Variants in CSMD1 observed in about 807,000 individuals in gnomAD.
CSMD1 encodes the protein CUB and Sushi multiple domains 1.
Under a neutral mutation model 417.5 loss-of-function variants are expected in CSMD1, and 213 were observed. That is an observed-to-expected ratio of 0.51 (90% CI 0.46 to 0.57). CSMD1 has a LOEUF of 0.57. Among genes scored for constraint, CSMD1 ranks in the 20% least tolerant of loss-of-function variants. The pLI is 0.00. For synonymous variants in CSMD1, 2,862 were observed against 1,736.8 expected, an observed-to-expected ratio of 1.65 and a Z score of -16.11; for missense variants, 6,923 against 4,529.7, an observed-to-expected ratio of 1.53 and a Z score of -15.17.
At chr8:3,007,472 G>A (rs1354351516) in intron 52 of CSMD1, among the ~76,000 whole-genome samples, 13 of 151,264 alleles carry the variant, frequency 8.6e-5, no homozygotes, top group African/African-American at 2.0e-4. Flanking sequence ...ACATGCACAC[G>A]TATGTTTATT....
chr8:3,406,011 GTGGCAGGGAC>G lies in CSMD1; in HGVS notation c.2266+6_2266+15del, dbSNP rs745329976. On this transcript the variant is annotated splice_donor_region_variant and intron_variant, in intron 15 of 69. Transcript: ENST00000635120. ...TGATTTCAAAGGAGAAGAGCGGGGGGTGGCAGGGACTGCACCTTCACAGCGGGGCACGGTG... is the reference window on the plus strand; with the variant it reads ...TGATTTCAAAGGAGAAGAGCGGGGGGTGCACCTTCACAGCGGGGCACGGTG... 6.2e-7 allele frequency: 1 copy of G among 1,610,250 alleles called. No individual in the cohort carries two copies. The highest frequency in any genetic ancestry group is 1.7e-5 in the Admixed American group (1 of 59,514).
intron 52 of CSMD1, among the ~76,000 whole-genome samples, chr8:3,008,149 T>G (rs1376916933): frequency 6.6e-6 from 1 of 152,004 alleles, no homozygotes; most frequent in African/African-American, 2.4e-5. Context: ...AGCAAAGAAA[T>G]AGAGTATGTC....
intron 3 of CSMD1, among the ~76,000 whole-genome samples, chr8:4,272,236 T>C (rs181271673): frequency 2.6e-5 from 4 of 152,224 alleles, no homozygotes; most frequent in Non-Finnish European, 5.9e-5. Context: ...TAGTACTTTA[T>C]GCCCTTAATA....
intron 4 of CSMD1, among the ~76,000 whole-genome samples, chr8:4,011,314 T>C (rs996410132): frequency 6.6e-6 from 1 of 152,214 alleles, no homozygotes; most frequent in African/African-American, 2.4e-5. Context: ...TCTCTGCATA[T>C]AACCGTGCTC....
chr8:3,642,595 A>T (rs1184139230), intron 7 of CSMD1, among the ~76,000 whole-genome samples: 1 of 152,192 alleles, frequency 6.6e-6, no homozygotes, highest in Non-Finnish European at 1.5e-5. Context: ...CAATTCACAA[A>T]CCAAACGAGA....
intron 5 of CSMD1, among the ~76,000 whole-genome samples, chr8:3,825,744 GA>G (rs1802021509): frequency 6.6e-6 from 1 of 152,168 alleles, no homozygotes; most frequent in Admixed American, 6.5e-5. Context: ...ACAAGGAGGC[GA>G]TTGGGGCCAC....
chr8:4,058,061 T>A (rs1179617240), intron 3 of CSMD1, among the ~76,000 whole-genome samples: 1 of 152,122 alleles, frequency 6.6e-6, no homozygotes, highest in Non-Finnish European at 1.5e-5. Context: ...TTTTTTCCAA[T>A]TCTGTGAAGG....
chr8:3,863,607 T>G (rs955978630), intron 5 of CSMD1, among the ~76,000 whole-genome samples: 3 of 152,104 alleles, frequency 2.0e-5, no homozygotes, highest in African/African-American at 7.2e-5. Flanking sequence ...AACCTTGCAG[T>G]AGGATGTATG....
chr8:4,036,956 GGTGT>G (rs57139782), intron 3 of CSMD1, among the ~76,000 whole-genome samples: 27,209 of 145,778 alleles, frequency 0.19, 2,742 homozygotes, highest in Admixed American at 0.23. Flanking sequence ...GTGAGTGTGG[GGTGT>G]GTGTGTGTGT....
At chr8:3,074,949 G>T (rs1157018726) in intron 49 of CSMD1, among the ~76,000 whole-genome samples, 1 of 152,140 alleles carries the variant, frequency 6.6e-6, no homozygotes, top group Non-Finnish European at 1.5e-5. Context: ...CTGGAGGGAG[G>T]TGATTGGATG....
At chr8:4,083,744 G>C (rs1203016364) in intron 3 of CSMD1, among the ~76,000 whole-genome samples, 1 of 152,120 alleles carries the variant, frequency 6.6e-6, no homozygotes, top group Non-Finnish European at 1.5e-5. Context: ...AACCCTAGAA[G>C]AAAACCTAGG....
intron 5 of CSMD1, among the ~76,000 whole-genome samples, chr8:3,807,977 C>G (rs1280578848): frequency 6.6e-6 from 1 of 152,148 alleles, no homozygotes; most frequent in Non-Finnish European, 1.5e-5. Context: ...ACATGCAGCC[C>G]TATTCCTGTG....
intron 10 of CSMD1, among the ~76,000 whole-genome samples, chr8:3,551,580 A>G (rs1284252890): frequency 1.9e-5 from 2 of 104,350 alleles, no homozygotes; most frequent in South Asian, 3.0e-4. Context: ...ATAAATATGT[A>G]TATATATATA....
At chr8:4,318,601 C>T (rs1799075111) in intron 3 of CSMD1, among the ~76,000 whole-genome samples, 1 of 151,936 alleles carries the variant, frequency 6.6e-6, no homozygotes, top group Admixed American at 6.6e-5. Context: ...GAAATGTTTA[C>T]CCTTATTGAA....
Position 3,100,182 on chromosome 8 carries a change from G to C in CSMD1, c.6950-3145C>G, listed in dbSNP as rs149552476. ...TCCTCCCACCTCAGCTGCCCGAGTA[G>C]CTGGGACTACAGGCGCACACCACCC... On this transcript the variant is annotated intron_variant, in intron 46 of 69. Transcript: ENST00000635120. Among the ~76,000 whole-genome samples, 43 of 152,222 alleles carry C rather than the reference G, an allele frequency of 2.8e-4. 3 individuals are homozygous for C. The East Asian group carries it at 8.1e-3, about 29-fold the overall frequency.
At chr8:4,386,334 C>T (rs534270259) in intron 3 of CSMD1, among the ~76,000 whole-genome samples, 3 of 150,816 alleles carry the variant, frequency 2.0e-5, no homozygotes, top group East Asian at 2.0e-4. Context: ...CTTCCGTCCT[C>T]GGTTATGACT....
intron 1 of CSMD1, among the ~76,000 whole-genome samples, chr8:4,841,150 A>G (rs1411392981): frequency 6.6e-6 from 1 of 152,222 alleles, no homozygotes; most frequent in East Asian, 1.9e-4. Flanking sequence ...GAATGCATAT[A>G]TAAATAATGG....
At chr8:4,963,224 G>A (rs555626525) in intron 1 of CSMD1, among the ~76,000 whole-genome samples, 4 of 152,164 alleles carry the variant, frequency 2.6e-5, no homozygotes, top group South Asian at 4.2e-4. Flanking sequence ...TATTTGAGAT[G>A]GAGTCTTGCT....
At chr8:4,292,694 C>G (rs1327346723) in intron 3 of CSMD1, among the ~76,000 whole-genome samples, 1 of 152,068 alleles carries the variant, frequency 6.6e-6, no homozygotes, top group African/African-American at 2.4e-5. Flanking sequence ...AAAAATGATT[C>G]AGTTTATTTT....
Sources: allele counts gnomAD v4.1 joint callset (sites outside exome capture counted in the v4.1 genomes callset), GRCh38; gene constraint gnomAD v4.1.1; transcripts MANE v1.5; gene names NCBI Gene and HGNC (gene_info 2026-07-23, HGNC 2026-07-21).